GABRB2: variants seen among roughly 807,000 people sequenced by gnomAD.
GABRB2 encodes the protein gamma-aminobutyric acid type A receptor subunit beta2, also known as gamma-aminobutyric acid receptor subunit beta-2.
In GABRB2, 16 loss-of-function variants were observed where a neutral mutation model predicts 54.7. The observed-to-expected ratio is 0.29, with a 90% confidence interval of 0.20 to 0.44. The LOEUF (loss-of-function observed/expected upper bound fraction) is 0.44, where lower values mean the gene tolerates loss of function less well. Among genes scored for constraint, GABRB2 ranks in the 20% least tolerant of loss-of-function variants. The pLI, the probability that GABRB2 is intolerant of heterozygous loss-of-function variation, is 1.00. For synonymous variants in GABRB2, 244 were observed against 233.8 expected (o/e 1.04, Z -0.40); for missense variants, 355 against 644.0 (o/e 0.55, Z 4.86).
At chr5:161,376,464 C>T (rs17460987) in intron 5 of GABRB2, among the ~76,000 whole-genome samples, 2,924 of 151,490 alleles carry the variant, frequency 0.019, 39 homozygotes, top group Middle Eastern at 0.082. Context: ...TGTGAAAAGA[C>T]GAGAAAAAAA....
At chr5:161,509,488 T>C (rs1022046217) in intron 3 of GABRB2, among the ~76,000 whole-genome samples, 6 of 151,972 alleles carry the variant, frequency 3.9e-5, no homozygotes, top group Non-Finnish European at 5.9e-5. Context: ...AAGTCTTTTC[T>C]GACATCCTCA....
chr5:161,488,876 T>A (rs1412551391), intron 3 of GABRB2, among the ~76,000 whole-genome samples: 2 of 151,836 alleles, frequency 1.3e-5, no homozygotes, highest in Non-Finnish European at 2.9e-5. Context: ...GAAAAAATAG[T>A]TAGCAAGCTC....
intron 3 of GABRB2, among the ~76,000 whole-genome samples, chr5:161,468,817 AACTT>A (rs1003367606): frequency 6.6e-6 from 1 of 151,876 alleles, no homozygotes; most frequent in African/African-American, 2.4e-5. Context: ...ACCCCCAAAA[AACTT>A]ACTGTTATAT....
At chr5:161,340,321 T>A (rs1037296412) in intron 5 of GABRB2, among the ~76,000 whole-genome samples, 1 of 152,060 alleles carries the variant, frequency 6.6e-6, no homozygotes, top group Non-Finnish European at 1.5e-5. Flanking sequence ...ATTATTAAAT[T>A]AATAAAACAA....
intron 5 of GABRB2, among the ~76,000 whole-genome samples, chr5:161,337,676 A>G (rs964719418): frequency 1.6e-4 from 24 of 152,196 alleles, no homozygotes; most frequent in Non-Finnish European, 8.8e-5. Context: ...GCTAGTAAGC[A>G]AACATATAAC....
chr5:161,340,539 G>C (rs1215823209), intron 5 of GABRB2, among the ~76,000 whole-genome samples: 1 of 151,826 alleles, frequency 6.6e-6, no homozygotes, highest in African/African-American at 2.4e-5. Flanking sequence ...AATAATTCAA[G>C]GTTCTTCACT....
intron 3 of GABRB2, among the ~76,000 whole-genome samples, chr5:161,536,271 G>A (rs13167400): frequency 1.4e-3 from 216 of 152,168 alleles, no homozygotes; most frequent in African/African-American, 4.2e-3. Flanking sequence ...GAGGAGAAAC[G>A]GAAGGGGGAT....
At chr5:161,513,659 T>C in intron 3 of GABRB2, among the ~76,000 whole-genome samples, 1 of 151,834 alleles carries the variant, frequency 6.6e-6, no homozygotes, top group Non-Finnish European at 1.5e-5. Flanking sequence ...CTGGCAAGGG[T>C]TGAAAAACTA....
intron 4 of GABRB2, among the ~76,000 whole-genome samples, chr5:161,422,941 G>T (rs1358465006): frequency 6.6e-6 from 1 of 152,128 alleles, no homozygotes; most frequent in Admixed American, 6.6e-5. Flanking sequence ...TCTTTCTAAT[G>T]ATTGAATTCC....
At chr5:161,351,333 A>G (rs1479529043) in intron 5 of GABRB2, among the ~76,000 whole-genome samples, 1 of 152,156 alleles carries the variant, frequency 6.6e-6, no homozygotes, top group African/African-American at 2.4e-5. Flanking sequence ...ATAGCATGGT[A>G]CTGGCATAAA....
At chr5:161,492,236 G>T (rs865778772) in intron 3 of GABRB2, among the ~76,000 whole-genome samples, 4 of 151,572 alleles carry the variant, frequency 2.6e-5, no homozygotes, top group African/African-American at 9.7e-5. Flanking sequence ...TCTTAATTTA[G>T]TAATTAAAAA....
chr5:161,390,323 A>G (rs1755781367), intron 5 of GABRB2, among the ~76,000 whole-genome samples: 3 of 152,200 alleles, frequency 2.0e-5, no homozygotes, highest in Admixed American at 1.3e-4. Context: ...ATGACATTCT[A>G]AAGAATACTT....
chr5:161,292,674 G>A lies in GABRB2; in HGVS notation c.*1407C>T, dbSNP rs1354859275. The A allele has an allele frequency of 6.6e-6, 1 of 152,098 alleles. No homozygotes were observed. Among genetic ancestry groups the A allele is most frequent in the Non-Finnish European group, 1.5e-5 (1 of 68,018 alleles). The allele number at this position is 152,098 out of a possible 1,614,324, so 9.4% of individuals were successfully genotyped here. A position where few individuals can be genotyped will look rare whatever the true frequency, so the allele number is the denominator to read the frequency against. ...TTCCACTAGTTTTCATATTTTCCTT[G>A]ATTAGGCAGATTGCAACATATACAA... On this transcript the variant is annotated 3_prime_UTR_variant, in exon 10 of 10. Transcript: ENST00000393959.
chr5:161,294,362 C>G lies in GABRB2; in HGVS notation c.1258G>C (p.Ala420Pro). 1.9e-6 allele frequency: 3 copies of G among 1,614,104 alleles called. No homozygotes were observed. The African/African-American group carries it at 4.0e-5, about 22-fold the overall frequency. Residue 420 changes from alanine (A) to proline (P), a missense_variant, in exon 10 of 10, where the codon GCT becomes CCT. Physicochemically the swap from Ala to Pro is conservative, Grantham distance 27. Around this residue, in one of 6 missense-constraint regions of GABRB2, gnomAD observed 201 missense variants for 228.1 expected, o/e 0.88. Transcript: ENST00000393959. ...EIKNEMATSE[A>P]VMGLGDPRST... is the part of the protein sequence containing the mutation. The stretch of plus-strand genomic sequence containing the variant: ...CTGGGGTCTCCAAGTCCCATCACAG[C>G]CTCAGATGTGGCCATTTCATTTTTT...
chr5:161,348,495 A>T (rs1754381294), intron 5 of GABRB2, among the ~76,000 whole-genome samples: 1 of 152,056 alleles, frequency 6.6e-6, no homozygotes, highest in Admixed American at 6.6e-5. Flanking sequence ...ACATTGTGAA[A>T]AAATGAAAGT....
chr5:161,492,057 G>A (rs1238028674), intron 3 of GABRB2, among the ~76,000 whole-genome samples: 1 of 151,498 alleles, frequency 6.6e-6, no homozygotes, highest in Non-Finnish European at 1.5e-5. Flanking sequence ...AGTATAGTAG[G>A]TTTGTGAATT....
intron 9 of GABRB2, among the ~76,000 whole-genome samples, chr5:161,318,834 CCTTTAAAAAATA>C (rs1292734311): frequency 3.3e-5 from 5 of 151,872 alleles, no homozygotes; most frequent in African/African-American, 1.2e-4. Context: ...ATAAATTTTA[CCTTTAAAAAATA>C]CTTTAAAAAA....
At chr5:161,530,547 T>C (rs958212499) in intron 3 of GABRB2, among the ~76,000 whole-genome samples, 3 of 152,112 alleles carry the variant, frequency 2.0e-5, no homozygotes, top group Admixed American at 1.3e-4. Context: ...CTCTGTAGTG[T>C]TACAAAGCAA....
chr5:161,295,262 TA>T (rs1757350384), intron 9 of GABRB2, among the ~76,000 whole-genome samples: 1 of 152,186 alleles, frequency 6.6e-6, no homozygotes, highest in Admixed American at 6.5e-5. Flanking sequence ...GCTATGCAGA[TA>T]GTCAAATCAC....
Sources: gnomAD v4.1 joint callset for allele counts (sites outside exome capture counted in the v4.1 genomes callset) on GRCh38, gnomAD v4.1.1 for gene constraint, gnomAD v4.1.1 regional missense constraint, MANE v1.5 for transcripts, NCBI Gene and HGNC (gene_info 2026-07-23, HGNC 2026-07-21) for gene names.